The following SMC5 variants were observed in gnomAD, a reference collection of about 807,000 sequenced individuals.
The protein encoded by SMC5 is structural maintenance of chromosomes 5.
SMC5 carries 88 observed loss-of-function variants against 148.3 expected under a neutral mutation model. That is an observed-to-expected ratio of 0.59 (90% CI 0.50 to 0.71). SMC5 has a LOEUF of 0.71. Among genes scored for constraint, SMC5 ranks in the 30% least tolerant of loss-of-function variants. The pLI, the probability that SMC5 is intolerant of heterozygous loss-of-function variation, is 0.00. For synonymous variants in SMC5, 421 were observed against 432.8 expected, an observed-to-expected ratio of 0.97 and a Z score of 0.34; for missense variants, 1,142 against 1,298.9, an observed-to-expected ratio of 0.88 and a Z score of 1.86.
intron 1 of SMC5, among the ~76,000 whole-genome samples, chr9:70,259,511 G>A (rs1223493791): frequency 6.6e-6 from 1 of 152,232 alleles, no homozygotes; most frequent in African/African-American, 2.4e-5. Context: ...TTCCAAAGGT[G>A]TCATGTAGCA....
chr9:70,321,428 T>C lies in SMC5; in HGVS notation c.2151-2055T>C, dbSNP rs977253453. Among the ~76,000 whole-genome samples the C allele has an allele frequency of 1.9e-4, 19 of 102,532 alleles. No homozygotes were observed. In the South Asian group the frequency reaches 6.0e-3, roughly 33 times the overall value. The allele number at this position is 102,532 out of a possible 152,430, so 67.3% of individuals were successfully genotyped here. On this transcript the variant is annotated intron_variant, in intron 15 of 24. Transcript: ENST00000361138. ...TTTTTTTTGAGACGGGGTCTTGCTC[T>C]GTTACCCAGGCTGGAGTGCAGTGGC...
At position 70,259,312 on chromosome 9, in the gene SMC5, C is replaced by G. The variant is rs544686132; in HGVS notation, c.185+49C>G. Reference sequence around the variant, plus strand: ...GCGGGTGTGGAGGTGTGCTGGCCAGCAGGCCCCGGGGCTCCGGCAGCGCGC... The same window carrying G: ...GCGGGTGTGGAGGTGTGCTGGCCAGGAGGCCCCGGGGCTCCGGCAGCGCGC... On this transcript the variant is annotated intron_variant, in intron 1 of 24. Coordinates refer to ENST00000361138, the MANE Select transcript of SMC5 (RefSeq NM_015110.4). The G allele has an allele frequency of 8.6e-6, 13 of 1,504,206 alleles. No individual in the cohort carries two copies. In the Admixed American group the frequency reaches 2.8e-4, roughly 33 times the overall value. The allele number at this position is 1,504,206 out of a possible 1,614,324, so 93.2% of individuals were successfully genotyped here.
chr9:70,349,972 A>G lies in SMC5; in HGVS notation c.2890-142A>G, dbSNP rs55666123. ...ATTTATTATTTTTAAAAATACATAT[A>G]TATTTATTGTTACATATTTAAACTA... On this transcript the variant is annotated intron_variant, in intron 22 of 24. Coordinates refer to ENST00000361138, the MANE Select transcript of SMC5 (RefSeq NM_015110.4). The G allele has an allele frequency of 1.3e-3, 569 of 445,178 alleles. 3 individuals carry two copies. The highest frequency in any genetic ancestry group is 0.011 in the African/African-American group (527 of 49,090). The allele number at this position is 445,178 out of a possible 1,614,324, so 27.6% of individuals were successfully genotyped here.
intron 18 of SMC5, 117 bp downstream of exon 18, chr9:70,344,386 T>A: frequency 3.7e-6 from 2 of 534,246 alleles, no homozygotes; most frequent in Non-Finnish European, 5.5e-6. Flanking sequence ...AAATAGGGAG[T>A]TTTTCCACAT....
At chr9:70,299,786 T>TG in intron 9 of SMC5, among the ~76,000 whole-genome samples, 1 of 148,416 alleles carries the variant, frequency 6.7e-6, no homozygotes, top group African/African-American at 2.5e-5. Context: ...CTTGTGGGTT[T>TG]TTTTGTTTGT....
In SMC5 at chr9:70,298,011, C is replaced by T. The variant is rs1426879889; in HGVS notation, c.1099C>T (p.Leu367Phe). The change falls in exon 9 of 25, where the codon CTT becomes TTT. Residue 367 changes from leucine (L) to phenylalanine (F), a missense_variant. Physicochemically the swap from Leu to Phe is conservative, Grantham distance 22 (BLOSUM62 0). This residue lies in a region of SMC5 where 743 missense variants were observed against 835.7 expected (regional missense o/e 0.89). Coordinates refer to ENST00000361138, the MANE Select transcript of SMC5 (RefSeq NM_015110.4). ...QALIVKQNEE[L>F]DRQRRIGNTR... The stretch of plus-strand genomic sequence containing the variant: ...TTTAATAGTAAAGCAAAATGAAGAG[C>T]TTGACCGACAGAGGAGAATAGGTAA... The T allele has an allele frequency of 6.2e-7, 1 of 1,613,850 alleles. No homozygotes were observed. Among genetic ancestry groups the T allele is most frequent in the Admixed American group, 1.7e-5 (1 of 60,010 alleles).
At chr9:70,339,428 CAAA>C (rs796734731) in intron 17 of SMC5, among the ~76,000 whole-genome samples, 1 of 76,568 alleles carries the variant, frequency 1.3e-5, no homozygotes, top group African/African-American at 4.7e-5. Flanking sequence ...GACTCCGTCT[CAAA>C]AAAAAAAAAA....
rs183834440 is a variant in SMC5 at position 70,289,060 on chromosome 9, C to T, written c.1053+2789C>T. On this transcript the variant is annotated intron_variant, in intron 8 of 24. Coordinates refer to ENST00000361138, the MANE Select transcript of SMC5 (RefSeq NM_015110.4). ...TGTTGTTGTTGTTGTTGTTATGAGA[C>T]GGAGTCTTGCTCTGTCTCCGAGGCT... Among the ~76,000 whole-genome samples, 653 of 152,098 alleles carry T rather than the reference C, an allele frequency of 4.3e-3. 7 individuals are homozygous for T. The highest frequency in any genetic ancestry group is 5.6e-3 in the Non-Finnish European group (382 of 68,008).
At chr9:70,320,656 T>TA (rs2035919844) in intron 15 of SMC5, among the ~76,000 whole-genome samples, 1 of 152,186 alleles carries the variant, frequency 6.6e-6, no homozygotes, top group African/African-American at 2.4e-5. Flanking sequence ...TCTGTGGATT[T>TA]TGGAATCCTT....
rs375658827 is a variant in SMC5 at position 70,298,195 on chromosome 9, G to A, written c.1283G>A (p.Arg428Lys). Reference sequence around the variant, plus strand: ...GAAATAATTGATAAGCGAAGAGAGAGGGAAACTCTAGAGAAGGAGAAAAAG... The same window carrying A: ...GAAATAATTGATAAGCGAAGAGAGAAGGAAACTCTAGAGAAGGAGAAAAAG... ...EGEIIDKRRE[R>K]ETLEKEKKSV... is the part of the protein sequence containing the mutation. The change falls in exon 9 of 25, where the codon AGG becomes AAG. Residue 428 changes from arginine to lysine, a missense_variant. Coordinates refer to ENST00000361138, the MANE Select transcript of SMC5 (RefSeq NM_015110.4). The A allele has an allele frequency of 5.9e-5, 95 of 1,613,336 alleles. No homozygotes were observed. The highest frequency in any genetic ancestry group is 7.5e-5 in the Non-Finnish European group (88 of 1,179,774).
intron 12 of SMC5, 47 bp from the exon 13 acceptor site, chr9:70,315,399 T>A (rs779101696): frequency 4.7e-5 from 66 of 1,406,512 alleles, no homozygotes; most frequent in Non-Finnish European, 5.9e-5. Flanking sequence ...CAGATTTTTT[T>A]AATGATATTT....
chr9:70,279,725 G>A (rs2034696300), intron 5 of SMC5, among the ~76,000 whole-genome samples: 1 of 150,602 alleles, frequency 6.6e-6, no homozygotes, highest in Non-Finnish European at 1.5e-5. Flanking sequence ...GCTGAGACAG[G>A]AGAATCGTTT....
At chr9:70,278,440 A>G in intron 4 of SMC5, 51 bp from the exon 5 acceptor site, 1 of 1,552,626 alleles carries the variant, frequency 6.4e-7, no homozygotes, top group South Asian at 1.2e-5. Flanking sequence ...TACATTTTGA[A>G]GATATATGTA....
At chr9:70,270,433 C>G (rs2034415754) in intron 3 of SMC5, among the ~76,000 whole-genome samples, 1 of 152,130 alleles carries the variant, frequency 6.6e-6, no homozygotes, top group Non-Finnish European at 1.5e-5. Flanking sequence ...AACTCAATCT[C>G]TAGCCCTGCT....
At chr9:70,321,767 A>G (rs2035953925) in intron 15 of SMC5, among the ~76,000 whole-genome samples, 1 of 152,148 alleles carries the variant, frequency 6.6e-6, no homozygotes, top group Non-Finnish European at 1.5e-5. Context: ...TTTATTTTGA[A>G]TTTAGATCTT....
intron 3 of SMC5, among the ~76,000 whole-genome samples, chr9:70,270,642 A>ATTTTT: frequency 9.6e-6 from 1 of 103,804 alleles, no homozygotes; most frequent in Non-Finnish European, 1.9e-5. Context: ...AGACTAAATA[A>ATTTTT]TTTTTTTTTT....
At chr9:70,264,799 G>A (rs1415454220) in intron 2 of SMC5, among the ~76,000 whole-genome samples, 1 of 152,122 alleles carries the variant, frequency 6.6e-6, no homozygotes, top group African/African-American at 2.4e-5. Context: ...CTGAGAAAAT[G>A]CATCATTAGA....
rs1031272648 is a variant in SMC5 at position 70,306,040 on chromosome 9, T to C, written c.1578+680T>C. 8.5e-5 allele frequency among the ~76,000 whole-genome samples: 13 copies of C among 152,220 alleles called. 1 individual carries two copies. Among genetic ancestry groups the C allele is most frequent in the Non-Finnish European group, 1.9e-4 (13 of 68,028 alleles). Reference sequence around the variant, plus strand: ...ATAAATGTGAAGGTACTTATAGCAGTACTTATTAACTCATCATTATCGTAA... The same window carrying C: ...ATAAATGTGAAGGTACTTATAGCAGCACTTATTAACTCATCATTATCGTAA... On this transcript the variant is annotated intron_variant, in intron 11 of 24. Coordinates refer to ENST00000361138, the MANE Select transcript of SMC5 (RefSeq NM_015110.4).
Position 70,352,522 on chromosome 9 carries a change from G to A in SMC5, c.*191G>A, listed in dbSNP as rs963598298. The A allele has an allele frequency of 4.6e-5, 24 of 516,586 alleles. No homozygotes were observed. The highest frequency in any genetic ancestry group is 1.0e-3 in the Middle Eastern group (2 of 1,936). 32.0% of individuals were successfully genotyped at this position (516,586 alleles called of 1,614,324 possible). On this transcript the variant is annotated 3_prime_UTR_variant, in exon 25 of 25. Coordinates refer to ENST00000361138, the MANE Select transcript of SMC5 (RefSeq NM_015110.4). ...AATAGCAGCTGGTAGTAAAAGTTAA[G>A]TCTTCTTCAGTCTTGGTTGAACTTG...
Sources: allele counts gnomAD v4.1 joint callset (sites outside exome capture counted in the v4.1 genomes callset), GRCh38; gene constraint gnomAD v4.1.1; regional missense constraint gnomAD v4.1.1; transcripts MANE v1.5; gene names NCBI Gene and HGNC (gene_info 2026-07-23, HGNC 2026-07-21).